Variants in USP2 observed in about 807,000 individuals in gnomAD.
USP2 encodes ubiquitin specific peptidase 2.
Under a neutral mutation model 72.0 loss-of-function variants are expected in USP2, and 33 were observed. The observed-to-expected ratio is 0.46, with a 90% confidence interval of 0.35 to 0.61. The LOEUF (loss-of-function observed/expected upper bound fraction) is 0.61. USP2 is among the 20% of genes least tolerant of loss of function. The pLI is 0.01. For synonymous variants in USP2, 296 were observed against 312.5 expected, an observed-to-expected ratio of 0.95 and a Z score of 0.56; for missense variants, 691 against 797.8, an observed-to-expected ratio of 0.87 and a Z score of 1.61.
chr11:119,359,718 T>A, intron 3 of USP2, 58 bp from the exon 4 acceptor site: 1 of 1,594,260 alleles, frequency 6.3e-7, no homozygotes, highest in Non-Finnish European at 8.5e-7. Flanking sequence ...TCACCTGTGT[T>A]ACTTACTACC....
At chr11:119,377,329 G>C (rs1196016720) in intron 1 of USP2, among the ~76,000 whole-genome samples, 1 of 152,166 alleles carries the variant, frequency 6.6e-6, no homozygotes, top group Non-Finnish European at 1.5e-5. Flanking sequence ...ACTCTTCCCT[G>C]GCTCTCCATG....
intron 2 of USP2, among the ~76,000 whole-genome samples, chr11:119,364,372 C>T (rs976266987): frequency 2.6e-5 from 4 of 152,040 alleles, no homozygotes; most frequent in African/African-American, 9.7e-5. Context: ...CCGCGCTCCC[C>T]GGCGCCCCCA....
At position 119,381,688 on chromosome 11, in the gene USP2, C is replaced by T. The variant is rs1951060926; in HGVS notation, c.-257G>A. ...CCCAGCGGGCAGCCGCCTCATCGCG[C>T]CTGGGCCGGCAGAGCCACACCCCGC... On this transcript the variant is annotated 5_prime_UTR_variant, in exon 1 of 13. Transcript: ENST00000260187. 2.5e-6 allele frequency: 2 copies of T among 805,452 alleles called. No individual in the cohort carries two copies. Among genetic ancestry groups the T allele is most frequent in the South Asian group, 1.5e-5 (1 of 67,200 alleles). 49.9% of individuals were successfully genotyped at this position (805,452 alleles called of 1,614,324 possible).
rs1280189685 is a variant in USP2 at position 119,357,602 on chromosome 11, G to A, written c.1502-12C>T. The A allele has an allele frequency of 1.9e-6, 3 of 1,614,024 alleles. No homozygotes were observed. The highest frequency in any genetic ancestry group is 2.5e-6 in the Non-Finnish European group (3 of 1,180,054). On this transcript the variant is annotated splice_polypyrimidine_tract_variant and intron_variant, in intron 10 of 12. Coordinates refer to ENST00000260187, the MANE Select transcript of USP2 (RefSeq NM_004205.5). The stretch of plus-strand genomic sequence containing the variant: ...GAACCGCTTCAGATCTGGCATTGAC[G>A]TGAGTCAAGGATAGTCAAACCAATG...
intron 2 of USP2, 195 bp from the exon 3 acceptor site, chr11:119,360,429 T>A: frequency 2.0e-6 from 1 of 508,410 alleles, no homozygotes; most frequent in Admixed American, 2.8e-5. Context: ...TTTCTTTTCT[T>A]TTTTTTTTTT....
rs1349529699 is a variant in USP2, at chr11:119,379,177, G to A, written c.-42+2296C>T. 8.1e-6 allele frequency: 8 copies of A among 985,368 alleles called. No individual in the cohort carries two copies. In the African/African-American group the frequency reaches 1.0e-4, roughly 13 times the overall value. The allele number at this position is 985,368 out of a possible 1,614,324, so 61.0% of individuals were successfully genotyped here. ...TTATCTGACCTCGCAGACTCGCAGA[G>A]ATGGCGAGTGCAACTCACTTGCATT... On this transcript the variant is annotated intron_variant, in intron 1 of 12. Transcript: ENST00000260187.
At chr11:119,364,142 T>A (rs1591323167) in intron 2 of USP2, 2 of 1,216,612 alleles carry the variant, frequency 1.6e-6, no homozygotes, top group African/African-American at 1.6e-5. Flanking sequence ...CGCGCGCTCC[T>A]CCGCCTCAAC....
rs933857031 is a variant in USP2, at chr11:119,376,115, C to T, written c.-41-2594G>A. ...CTGCGGAGAGGGTTCCTACTGGGGC[C>T]GGGGCCTTCCACATGTCTCTCCCCT... On this transcript the variant is annotated intron_variant, in intron 1 of 12. Transcript: ENST00000260187. 2.1e-5 allele frequency: 20 copies of T among 931,094 alleles called. No homozygotes were observed. In the South Asian group the frequency reaches 5.0e-4, roughly 23 times the overall value. 57.7% of individuals were successfully genotyped at this position (931,094 alleles called of 1,614,324 possible).
chr11:119,363,718 C>G, intron 2 of USP2: 1 of 637,052 alleles, frequency 1.6e-6, no homozygotes. Context: ...TGCCAGGAGA[C>G]CCTGGGAAAG....
rs1471767830 is a variant in USP2 at position 119,356,936 on chromosome 11, G to A, written c.1731-14C>T. 6.4e-6 allele frequency: 10 copies of A among 1,552,818 alleles called. No homozygotes were observed. In the African/African-American group the frequency reaches 8.2e-5, roughly 13 times the overall value. ...ATGGGAGTGACGCTGCGGAGAGAGC[G>A]GGGAGTCAGCCCGGAGCGGGCAGGA... On this transcript the variant is annotated splice_polypyrimidine_tract_variant and intron_variant, in intron 12 of 12. Coordinates refer to ENST00000260187, the MANE Select transcript of USP2 (RefSeq NM_004205.5).
intron 1 of USP2, among the ~76,000 whole-genome samples, chr11:119,375,296 G>C (rs1170699658): frequency 6.6e-6 from 1 of 152,246 alleles, no homozygotes; most frequent in African/African-American, 2.4e-5. Flanking sequence ...AGGGGTGAGA[G>C]ATGAGCAGGT....
At chr11:119,375,015 G>A (rs976407270) in intron 1 of USP2, among the ~76,000 whole-genome samples, 1 of 152,220 alleles carries the variant, frequency 6.6e-6, no homozygotes, top group South Asian at 2.1e-4. Flanking sequence ...CTGCGAGGCA[G>A]CATGGCTCCG....
Position 119,357,741 on chromosome 11 carries a change from T to C in USP2, c.1501+16A>G. 2 of 1,613,712 alleles carry C rather than the reference T, an allele frequency of 1.2e-6. No homozygotes were observed. The highest frequency in any genetic ancestry group is 8.5e-7 in the Non-Finnish European group (1 of 1,180,030). Reference sequence around the variant, plus strand: ...CTTGAAAGTCATGTCCCAGCCCTGATGGATCTTAAGGATACGGAGCACCAA... The same window carrying C: ...CTTGAAAGTCATGTCCCAGCCCTGACGGATCTTAAGGATACGGAGCACCAA... On this transcript the variant is annotated intron_variant, in intron 10 of 12. Transcript: ENST00000260187.
chr11:119,358,372 A>G, intron 7 of USP2, 120 bp from the exon 8 acceptor site: 2 of 899,412 alleles, frequency 2.2e-6, no homozygotes, highest in Non-Finnish European at 3.4e-6. Flanking sequence ...GCTGAAGTGC[A>G]GTGGTGCAAT....
Position 119,359,411 on chromosome 11 carries a change from C to T in USP2, c.950-69G>A. ...ATAAGAAACTCTGAAACTAGAATCC[C>T]AACAAAAAGCAAGCAGAGAAAGACA... On this transcript the variant is annotated intron_variant, in intron 4 of 12. Transcript: ENST00000260187. 2.5e-6 allele frequency: 4 copies of T among 1,582,042 alleles called. No individual in the cohort carries two copies. The South Asian group carries it at 4.6e-5, about 18-fold the overall frequency.
intron 2 of USP2, among the ~76,000 whole-genome samples, chr11:119,362,318 C>T (rs904448142): frequency 2.6e-5 from 4 of 152,004 alleles, no homozygotes; most frequent in Non-Finnish European, 5.9e-5. Context: ...TCGTCACCCA[C>T]GATTACTATT....
At chr11:119,371,036 G>A (rs1950919049) in intron 2 of USP2, among the ~76,000 whole-genome samples, 1 of 152,108 alleles carries the variant, frequency 6.6e-6, no homozygotes. Context: ...TCTGCGCTGA[G>A]GTTTTCCATC....
chr11:119,372,151 C>T (rs1191361708), intron 2 of USP2, among the ~76,000 whole-genome samples: 3 of 152,218 alleles, frequency 2.0e-5, no homozygotes, highest in Non-Finnish European at 4.4e-5. Context: ...TCTCCAAAGC[C>T]AGATGATAAG....
Position 119,375,572 on chromosome 11 carries a change from C to A in USP2, c.-41-2051G>T, listed in dbSNP as rs7115997. ...ATAGCGGGAGAGACAGACAGAGGCA[C>A]AGGGTCGGGGTGGGGGCCCAGTCCT... On this transcript the variant is annotated intron_variant, in intron 1 of 12. Coordinates refer to ENST00000260187, the MANE Select transcript of USP2 (RefSeq NM_004205.5). Among the ~76,000 whole-genome samples the A allele has an allele frequency of 7.3e-3, 1,110 of 152,280 alleles. 7 individuals carry two copies. Among genetic ancestry groups the A allele is most frequent in the African/African-American group, 0.024 (998 of 41,542 alleles).
Sources: allele counts gnomAD v4.1 joint callset (sites outside exome capture counted in the v4.1 genomes callset), GRCh38; gene constraint gnomAD v4.1.1; transcripts MANE v1.5; gene names NCBI Gene and HGNC (gene_info 2026-07-23, HGNC 2026-07-21).